Variants in GPR158 observed in about 807,000 individuals in gnomAD.
GPR158 encodes the protein metabotropic glycine receptor.
A neutral mutation model predicts 78.2 loss-of-function variants in GPR158; 30 were observed. The observed-to-expected ratio is 0.38, with a 90% CI of 0.29 to 0.52. The LOEUF (loss-of-function observed/expected upper bound fraction) is 0.52, where lower values mean the gene tolerates loss of function less well. GPR158 is among the 20% of genes least tolerant of loss of function. The probability of loss-of-function intolerance (pLI) is 0.83; values close to 1 mark genes in which losing one functional copy is unlikely to be tolerated. For synonymous variants in GPR158, 581 were observed against 591.1 expected (o/e 0.98, Z 0.25); for missense variants, 1,463 against 1,523.5 (o/e 0.96, Z 0.66).
In GPR158 at chr10:25,598,546, G is replaced by T. The variant is rs1458804736; in HGVS notation, c.2920G>T (p.Gly974Trp). 5 of 1,613,558 alleles carry T rather than the reference G, an allele frequency of 3.1e-6. No homozygotes were observed. The highest frequency in any genetic ancestry group is 4.2e-6 in the Non-Finnish European group (5 of 1,179,892). Residue 974 changes from glycine to tryptophan, a missense_variant, in exon 11 of 11, where the codon GGG becomes TGG. Coordinates refer to ENST00000376351, the MANE Select transcript of GPR158 (RefSeq NM_020752.3). ...AEEPRKPQKS[G>W]IMKQQRVNPT... ...GGAGCCAAGAAAGCCTCAGAAATCT[G>T]GGATTATGAAACAACAAAGGGTCAA...
intron 2 of GPR158, among the ~76,000 whole-genome samples, chr10:25,262,684 G>C (rs954023924): frequency 1.1e-4 from 17 of 152,114 alleles, no homozygotes; most frequent in African/African-American, 4.1e-4. Context: ...CTGCACCACA[G>C]TGGTTCACTT....
At chr10:25,546,988 T>C (rs1469572377) in intron 5 of GPR158, among the ~76,000 whole-genome samples, 1 of 152,094 alleles carries the variant, frequency 6.6e-6, no homozygotes, top group Non-Finnish European at 1.5e-5. Flanking sequence ...TTGCTAACCA[T>C]CTTAAATAAT....
At chr10:25,597,438 G>A (rs1051993097) in intron 10 of GPR158, among the ~76,000 whole-genome samples, 3 of 152,030 alleles carry the variant, frequency 2.0e-5, no homozygotes, top group Admixed American at 1.3e-4. Context: ...ACATGAGTTC[G>A]TGTCTTAAAG....
At chr10:25,285,823 G>A (rs143102079) in intron 2 of GPR158, among the ~76,000 whole-genome samples, 2 of 152,170 alleles carry the variant, frequency 1.3e-5, no homozygotes, top group Non-Finnish European at 2.9e-5. Flanking sequence ...AGGTATGCTG[G>A]CAAAAAATTC....
At position 25,200,781 on chromosome 10, in the gene GPR158, G is replaced by A. The variant is rs111491646; in HGVS notation, c.903-20271G>A. ...AGTCCTTTCCCCATTGCTTGCTTTT[G>A]TCAAAGATCAGATGGTTGTAGGTAT... On this transcript the variant is annotated intron_variant, in intron 1 of 10. Coordinates refer to ENST00000376351, the MANE Select transcript of GPR158 (RefSeq NM_020752.3). Among the ~76,000 whole-genome samples, 354 of 151,110 alleles carry A rather than the reference G, an allele frequency of 2.3e-3. 2 individuals carry two copies. The highest frequency in any genetic ancestry group is 8.0e-3 in the African/African-American group (329 of 41,232).
At chr10:25,429,718 A>G (rs1459002745) in intron 4 of GPR158, among the ~76,000 whole-genome samples, 2 of 149,084 alleles carry the variant, frequency 1.3e-5, no homozygotes, top group East Asian at 3.9e-4. Flanking sequence ...ATGCAAATCA[A>G]TAAATGTAAT....
At position 25,561,407 on chromosome 10, in the gene GPR158, GA is replaced by G. The variant is rs1411233483; in HGVS notation, c.1514+10325del. Among the ~76,000 whole-genome samples the G allele has an allele frequency of 1.1e-4, 16 of 152,266 alleles. No homozygotes were observed. In the East Asian group the frequency reaches 2.7e-3, roughly 26 times the overall value. On this transcript the variant is annotated intron_variant, in intron 6 of 10. Transcript: ENST00000376351. Reference sequence around the variant, plus strand: ...AATTCATATTTACTCTGGATATAAGGAAATAAACAAGCATGTAATTCCCAAA... The same window carrying G: ...AATTCATATTTACTCTGGATATAAGGAATAAACAAGCATGTAATTCCCAAA...
intron 7 of GPR158, among the ~76,000 whole-genome samples, chr10:25,575,111 T>C (rs1292074551): frequency 6.6e-6 from 1 of 151,802 alleles, no homozygotes; most frequent in East Asian, 1.9e-4. Flanking sequence ...GTGGAAATTG[T>C]ATGAAACATG....
intron 2 of GPR158, among the ~76,000 whole-genome samples, chr10:25,304,042 G>A (rs987433698): frequency 6.6e-6 from 1 of 152,116 alleles, no homozygotes; most frequent in African/African-American, 2.4e-5. Flanking sequence ...TGTTATCTTG[G>A]AACTTTCTAA....
At chr10:25,206,667 A>G (rs111491275) in intron 1 of GPR158, among the ~76,000 whole-genome samples, 2 of 152,192 alleles carry the variant, frequency 1.3e-5, no homozygotes, top group South Asian at 4.1e-4. Flanking sequence ...GTTTTGACTT[A>G]TATTTCACAA....
At chr10:25,419,055 G>A (rs1834709029) in intron 4 of GPR158, among the ~76,000 whole-genome samples, 1 of 151,742 alleles carries the variant, frequency 6.6e-6, no homozygotes, top group African/African-American at 2.4e-5. Context: ...AATAAAGTTA[G>A]GTATGTCATA....
At chr10:25,221,614 AG>A (rs891356032) in intron 2 of GPR158, among the ~76,000 whole-genome samples, 1 of 152,194 alleles carries the variant, frequency 6.6e-6, no homozygotes, top group African/African-American at 2.4e-5. Context: ...AACACTGTAC[AG>A]GGTCCTGGAA....
rs536183748 is a variant in GPR158, at chr10:25,471,827, C to A, written c.1404+5108C>A. Among the ~76,000 whole-genome samples the A allele has an allele frequency of 2.6e-5, 4 of 151,920 alleles. No individual in the cohort carries two copies. In the South Asian group the frequency reaches 6.2e-4, roughly 24 times the overall value. On this transcript the variant is annotated intron_variant, in intron 5 of 10. Transcript: ENST00000376351. The stretch of plus-strand genomic sequence containing the variant: ...TGGGGTTGTTTGTTTTTTTCTTGTA[C>A]ATTTGTTCGTATTCTTTGTAGATTC...
At chr10:25,212,351 T>A (rs1426134036) in intron 1 of GPR158, among the ~76,000 whole-genome samples, 1 of 152,136 alleles carries the variant, frequency 6.6e-6, no homozygotes, top group African/African-American at 2.4e-5. Context: ...TACACACTTT[T>A]GGACAACCGG....
chr10:25,377,417 C>T (rs1834096233), intron 2 of GPR158, among the ~76,000 whole-genome samples: 1 of 151,978 alleles, frequency 6.6e-6, no homozygotes. Flanking sequence ...ATTTACCTTT[C>T]TAAAGTGTAG....
chr10:25,400,965 A>C (rs888858290), intron 3 of GPR158, among the ~76,000 whole-genome samples: 26 of 152,318 alleles, frequency 1.7e-4, no homozygotes, highest in African/African-American at 6.0e-4. Flanking sequence ...CAGTTCTGGA[A>C]GAAAAAGAAG....
At chr10:25,387,847 A>G (rs1834243713) in intron 2 of GPR158, among the ~76,000 whole-genome samples, 1 of 152,062 alleles carries the variant, frequency 6.6e-6, no homozygotes, top group Non-Finnish European at 1.5e-5. Flanking sequence ...TTTAAGGAAG[A>G]TTGTTGTTTA....
chr10:25,542,651 C>T (rs971040171), intron 5 of GPR158, among the ~76,000 whole-genome samples: 1 of 151,728 alleles, frequency 6.6e-6, no homozygotes, highest in African/African-American at 2.4e-5. Context: ...GGTGAAACCC[C>T]GTCTCTACTA....
chr10:25,241,258 CCTTT>C lies in GPR158; in HGVS notation c.1008+20111_1008+20114del, dbSNP rs1315148632. 6.6e-4 allele frequency among the ~76,000 whole-genome samples: 78 copies of C among 117,990 alleles called. 1 individual carries two copies. Among genetic ancestry groups the C allele is most frequent in the Admixed American group, 1.4e-3 (16 of 11,388 alleles). 77.4% of individuals were successfully genotyped at this position (117,990 alleles called of 152,430 possible). On this transcript the variant is annotated intron_variant, in intron 2 of 10. Transcript: ENST00000376351. ...TTTCTTTCCTTTCTTTCCTTTCTTT[CCTTT>C]CTTTCTTTCCTTTCTTTCTTTCTTT... is the stretch of plus-strand genomic sequence containing the variant.
Sources: gnomAD v4.1 joint callset for allele counts (sites outside exome capture counted in the v4.1 genomes callset) on GRCh38, gnomAD v4.1.1 for gene constraint, MANE v1.5 for transcripts, NCBI Gene and HGNC (gene_info 2026-07-23, HGNC 2026-07-21) for gene names.